ANKRD12: variants seen among roughly 807,000 people sequenced by gnomAD.
The protein encoded by ANKRD12 is ankyrin repeat domain-containing protein 12.
A neutral mutation model predicts 183.4 loss-of-function variants in ANKRD12; 85 were observed. The observed-to-expected ratio is 0.46, with a 90% CI of 0.39 to 0.56. The LOEUF (loss-of-function observed/expected upper bound fraction) is 0.56. Among genes scored for constraint, ANKRD12 ranks in the 20% least tolerant of loss-of-function variants. ANKRD12 has a pLI of 0.00. For missense variants in ANKRD12, 2,405 were observed against 2,357.1 expected (o/e 1.02, Z -0.42); for synonymous variants, 914 against 800.2 (o/e 1.14, Z -2.40).
At chr18:9,211,528 A>G in intron 5 of ANKRD12, 56 bp from the exon 6 acceptor site, 6 of 1,460,766 alleles carry the variant, frequency 4.1e-6, no homozygotes, top group Non-Finnish European at 5.7e-6. Context: ...AAACATTTAA[A>G]TAAGTATACA....
Position 9,276,849 on chromosome 18 carries a change from G to C in ANKRD12, c.5907+1182G>C, listed in dbSNP as rs2039866122. Among the ~76,000 whole-genome samples, 5 of 152,320 alleles carry C rather than the reference G, an allele frequency of 3.3e-5. No individual in the cohort carries two copies. In the South Asian group the frequency reaches 1.0e-3, roughly 32 times the overall value. On this transcript the variant is annotated intron_variant, in intron 11 of 12. Coordinates refer to ENST00000262126, the MANE Select transcript of ANKRD12 (RefSeq NM_015208.5). ...CTGTGTGACTAAAGAAATAGGCACT[G>C]GAGAGGCCACTGAGGGACTTTCTAG...
chr18:9,217,367 C>A (rs1238256638), intron 7 of ANKRD12, among the ~76,000 whole-genome samples: 1 of 152,090 alleles, frequency 6.6e-6, no homozygotes, highest in African/African-American at 2.4e-5. Context: ...CCTCCGTTTC[C>A]TCATCTTTAA....
Position 9,211,684 on chromosome 18 carries a change from T to C in ANKRD12, c.552T>C (p.Arg184=). ...QKDKVNKRNE[R]GETPLHMAAI... ...ATAAAGTTAATAAAAGAAATGAACG[T>C]GGTGAAACTCCTTTACACATGGCTG... The change falls in exon 6 of 13, where the codon CGT becomes CGC. Residue 184 remains arginine, a synonymous_variant. Transcript: ENST00000262126. 1 of 1,613,780 alleles carries C rather than the reference T, an allele frequency of 6.2e-7. No individual in the cohort carries two copies. Among genetic ancestry groups the C allele is most frequent in the Non-Finnish European group, 8.5e-7 (1 of 1,179,816 alleles).
chr18:9,223,828 C>T (rs564286988), intron 8 of ANKRD12, among the ~76,000 whole-genome samples: 11 of 152,262 alleles, frequency 7.2e-5, no homozygotes, highest in African/African-American at 2.6e-4. Flanking sequence ...CAGTTGTAGA[C>T]ATTGTATACG....
At chr18:9,164,282 T>C (rs1366721584) in intron 1 of ANKRD12, among the ~76,000 whole-genome samples, 1 of 152,178 alleles carries the variant, frequency 6.6e-6, no homozygotes. Flanking sequence ...GATAATCATG[T>C]GGTGTCTGTC....
At chr18:9,173,619 G>C (rs542192152) in intron 1 of ANKRD12, among the ~76,000 whole-genome samples, 7 of 142,468 alleles carry the variant, frequency 4.9e-5, no homozygotes, top group South Asian at 2.5e-4. Context: ...GGGGTGGTGG[G>C]GGGGGGGTAG....
At chr18:9,240,416 G>A (rs898450004) in intron 8 of ANKRD12, among the ~76,000 whole-genome samples, 9 of 152,074 alleles carry the variant, frequency 5.9e-5, no homozygotes, top group African/African-American at 9.7e-5. Flanking sequence ...GCTACGGTGC[G>A]AGAACTCAGT....
intron 1 of ANKRD12, 110 bp downstream of exon 1, chr18:9,137,075 C>G (rs1466517709): frequency 6.6e-6 from 1 of 152,124 alleles, no homozygotes; most frequent in African/African-American, 2.4e-5. Flanking sequence ...GCGCTGCTCC[C>G]GTTCCCCCTC....
chr18:9,173,773 G>A (rs1289895086), intron 1 of ANKRD12, among the ~76,000 whole-genome samples: 3 of 152,194 alleles, frequency 2.0e-5, no homozygotes, highest in African/African-American at 4.8e-5. Context: ...TGGTAGATCA[G>A]GTGTGCTGAA....
intron 1 of ANKRD12, among the ~76,000 whole-genome samples, chr18:9,178,323 C>CTT: frequency 1.5e-5 from 1 of 65,554 alleles, no homozygotes; most frequent in East Asian, 4.1e-4. Flanking sequence ...GATCAAGATT[C>CTT]TCTCTCTCTC....
intron 1 of ANKRD12, chr18:9,137,467 G>T (rs1223937940): frequency 6.8e-6 from 1 of 146,326 alleles, no homozygotes; most frequent in East Asian, 2.0e-4. Context: ...CCGCTGGCGT[G>T]CGGCGGTCGG....
chr18:9,170,318 GGTTCCATTCTCCCC>G (rs2032568668), intron 1 of ANKRD12, among the ~76,000 whole-genome samples: 1 of 152,170 alleles, frequency 6.6e-6, no homozygotes, highest in Admixed American at 6.5e-5. Context: ...TTTCCAACTT[GGTTCCATTCTCCCC>G]GTCACTTTCA....
At chr18:9,146,127 AT>A (rs1166171114) in intron 1 of ANKRD12, among the ~76,000 whole-genome samples, 1 of 152,184 alleles carries the variant, frequency 6.6e-6, no homozygotes, top group African/African-American at 2.4e-5. Flanking sequence ...AGAGTCCTTA[AT>A]TTCTTTTTTA....
At chr18:9,174,912 G>A (rs1046186210) in intron 1 of ANKRD12, among the ~76,000 whole-genome samples, 18 of 149,498 alleles carry the variant, frequency 1.2e-4, no homozygotes, top group Admixed American at 3.4e-4. Context: ...ATAGTGACTA[G>A]AGCAAACAGA....
At chr18:9,140,027 ATCACTTCC>A (rs1442876363) in intron 1 of ANKRD12, among the ~76,000 whole-genome samples, 1 of 152,236 alleles carries the variant, frequency 6.6e-6, no homozygotes, top group African/African-American at 2.4e-5. Context: ...TTCTTGATTT[ATCACTTCC>A]TCACTTCCTA....
At chr18:9,140,553 T>C (rs1452178323) in intron 1 of ANKRD12, among the ~76,000 whole-genome samples, 1 of 152,214 alleles carries the variant, frequency 6.6e-6, no homozygotes, top group Non-Finnish European at 1.5e-5. Context: ...TTAAAAGTAA[T>C]AGTGAAAGTA....
chr18:9,188,421 A>G (rs913277572), intron 2 of ANKRD12, among the ~76,000 whole-genome samples: 6 of 152,212 alleles, frequency 3.9e-5, no homozygotes, highest in Admixed American at 2.6e-4. Flanking sequence ...CCATGAAAAG[A>G]TAGTCCAGGA....
intron 8 of ANKRD12, among the ~76,000 whole-genome samples, chr18:9,236,081 C>T (rs533476894): frequency 5.3e-5 from 8 of 151,900 alleles, no homozygotes; most frequent in African/African-American, 7.2e-5. Context: ...GAAACAATCA[C>T]GGCTTCAACT....
At chr18:9,237,703 A>G (rs2037426583) in intron 8 of ANKRD12, among the ~76,000 whole-genome samples, 1 of 152,164 alleles carries the variant, frequency 6.6e-6, no homozygotes, top group African/African-American at 2.4e-5. Context: ...ATGTATGTTT[A>G]CGTACATGTT....
Sources: gnomAD v4.1 joint callset for allele counts (sites outside exome capture counted in the v4.1 genomes callset) on GRCh38, gnomAD v4.1.1 for gene constraint, MANE v1.5 for transcripts, NCBI Gene and HGNC (gene_info 2026-07-23, HGNC 2026-07-21) for gene names.